Variants in HERC1 observed in about 807,000 individuals in gnomAD.
HERC1 encodes the protein probable E3 ubiquitin-protein ligase HERC1.
HERC1 carries 160 observed loss-of-function variants against 554.3 expected under a neutral mutation model. The observed-to-expected ratio is 0.29, with a 90% CI of 0.25 to 0.33. The LOEUF is 0.33. Among genes scored for constraint, HERC1 ranks in the 10% least tolerant of loss-of-function variants. The pLI, the probability that HERC1 is intolerant of heterozygous loss-of-function variation, is 1.00. For missense variants in HERC1, 4,919 were observed against 5,918.5 expected (o/e 0.83, Z 5.54); for synonymous variants, 2,175 against 2,131.7 (o/e 1.02, Z -0.56).
At chr15:63,628,931 A>C in intron 69 of HERC1, 116 bp from the exon 70 acceptor site, 1 of 921,024 alleles carries the variant, frequency 1.1e-6, no homozygotes, top group Non-Finnish European at 1.7e-6. Flanking sequence ...TGTACCATGC[A>C]TCAGCATCAA....
intron 1 of HERC1, among the ~76,000 whole-genome samples, chr15:63,831,781 A>G (rs8036500): frequency 0.51 from 78,092 of 151,970 alleles, 21,001 homozygotes; most frequent in African/African-American, 0.56. Context: ...TCACCAACAC[A>G]TTCTCCAAAA....
Position 63,775,778 on chromosome 15 carries a change from C to A in HERC1, c.-26-129G>T. The A allele has an allele frequency of 1.5e-6, 1 of 661,964 alleles. No homozygotes were observed. The allele number at this position is 661,964 out of a possible 1,614,324, so 41.0% of individuals were successfully genotyped here. On this transcript the variant is annotated intron_variant, in intron 1 of 77. Transcript: ENST00000443617. This position sits in a 1 kb window ranked among gnomAD's most constrained non-coding sequence, Gnocchi z 4.0. ...TGCAGCCGGGTGCGGTGGCTCACGC[C>A]TGTAATCCCAACACTTTGGGAGGCC...
intron 12 of HERC1, among the ~76,000 whole-genome samples, chr15:63,737,912 C>T (rs185397433): frequency 7.9e-5 from 12 of 152,160 alleles, no homozygotes; most frequent in African/African-American, 2.2e-4. Flanking sequence ...AAATGATTTC[C>T]AATTTAGAAT....
At position 63,698,834 on chromosome 15, in the gene HERC1, C is replaced by T; in HGVS notation, c.4799G>A (p.Ser1600Asn). ...TLIENVVSFV[S>N]GDVGNAPGFK... ...ACCTGGGGCATTCCCCACATCTCCA[C>T]TCACAAAGCTTACAACATTTTCAAT... The change falls in exon 26 of 78, where the codon AGT (serine) becomes AAT (asparagine). Residue 1600 changes from serine (S) to asparagine (N), a missense_variant. Physicochemically the swap from Ser to Asn is conservative, Grantham distance 46 (BLOSUM62 1). Around this residue, in one of 11 missense-constraint regions of HERC1, gnomAD observed 1,121 missense variants for 1,244.0 expected, o/e 0.90. Coordinates refer to ENST00000443617, the MANE Select transcript of HERC1 (RefSeq NM_003922.4). The T allele has an allele frequency of 6.2e-7, 1 of 1,613,952 alleles. No homozygotes were observed. The highest frequency in any genetic ancestry group is 8.5e-7 in the Non-Finnish European group (1 of 1,179,858).
chr15:63,670,183 G>A (rs1378590197), intron 39 of HERC1, among the ~76,000 whole-genome samples: 3 of 152,210 alleles, frequency 2.0e-5, no homozygotes, highest in African/African-American at 7.2e-5. Flanking sequence ...AAAGGTAACT[G>A]TCTAGTCACC....
chr15:63,690,310 T>G (rs1157049405), intron 32 of HERC1, among the ~76,000 whole-genome samples: 2 of 152,186 alleles, frequency 1.3e-5, no homozygotes, highest in African/African-American at 4.8e-5. Flanking sequence ...GATTTTTCTT[T>G]CCTTCTGACC....
intron 57 of HERC1, among the ~76,000 whole-genome samples, chr15:63,644,665 G>C (rs950509042): frequency 6.6e-5 from 10 of 152,140 alleles, no homozygotes; most frequent in Admixed American, 2.6e-4. Context: ...ATCAGTTGGA[G>C]ATTCTTTGGA....
intron 1 of HERC1, among the ~76,000 whole-genome samples, chr15:63,806,634 A>G (rs1373119958): frequency 3.9e-5 from 6 of 152,326 alleles, no homozygotes; most frequent in Middle Eastern, 6.8e-3. Flanking sequence ...AGAACATTGT[A>G]GAAGAGGAAT....
At chr15:63,648,507 T>C (rs1566971074) in intron 54 of HERC1, among the ~76,000 whole-genome samples, 1 of 152,244 alleles carries the variant, frequency 6.6e-6, no homozygotes, top group Non-Finnish European at 1.5e-5. Context: ...CCATAGGTTC[T>C]TTCCTTTTGG....
At chr15:63,794,913 A>T (rs1471480662) in intron 1 of HERC1, among the ~76,000 whole-genome samples, 1 of 152,008 alleles carries the variant, frequency 6.6e-6, no homozygotes, top group Non-Finnish European at 1.5e-5. Context: ...TAAAAATACA[A>T]AAATTAGCCA....
chr15:63,832,783 C>T (rs528323262), intron 1 of HERC1, among the ~76,000 whole-genome samples: 1 of 151,928 alleles, frequency 6.6e-6, no homozygotes, highest in South Asian at 2.1e-4. Flanking sequence ...TAAAATAAAT[C>T]ATTTTTGGAA....
intron 34 of HERC1, among the ~76,000 whole-genome samples, chr15:63,685,880 G>A (rs147329532): frequency 6.6e-6 from 1 of 152,276 alleles, no homozygotes; most frequent in Admixed American, 6.5e-5. Flanking sequence ...ATACAGGCTG[G>A]CTTATTGTAT....
chr15:63,744,119 T>C (rs1188520134), intron 12 of HERC1, among the ~76,000 whole-genome samples: 1 of 65,662 alleles, frequency 1.5e-5, no homozygotes, highest in Non-Finnish European at 3.8e-5. Flanking sequence ...ACTGTGTGTG[T>C]GTGTGTGTGT....
intron 12 of HERC1, among the ~76,000 whole-genome samples, chr15:63,739,606 A>G (rs1255573198): frequency 6.6e-6 from 1 of 151,824 alleles, no homozygotes; most frequent in Non-Finnish European, 1.5e-5. Flanking sequence ...TGGGAGGTCG[A>G]GGCAGGCAGA....
At chr15:63,766,502 C>T (rs1028958461) in intron 2 of HERC1, among the ~76,000 whole-genome samples, 6 of 152,096 alleles carry the variant, frequency 3.9e-5, no homozygotes, top group East Asian at 1.9e-4. Flanking sequence ...GCAGGAAAAT[C>T]GCTTGAACCC....
At chr15:63,831,635 C>A (rs1010940776) in intron 1 of HERC1, among the ~76,000 whole-genome samples, 4 of 152,020 alleles carry the variant, frequency 2.6e-5, no homozygotes, top group Non-Finnish European at 5.9e-5. Context: ...CTTCAATATA[C>A]CCAGCCCCCT....
intron 2 of HERC1, among the ~76,000 whole-genome samples, chr15:63,771,973 T>G (rs912895375): frequency 2.0e-5 from 3 of 151,978 alleles, no homozygotes; most frequent in Admixed American, 6.6e-5. Context: ...AGAAACAAAA[T>G]TAGCTGGGCA....
At position 63,655,965 on chromosome 15, in the gene HERC1, C is replaced by G; in HGVS notation, c.9871-10G>C. Reference sequence around the variant, plus strand: ...CAGCAGAAATCAAGTTCTGAAGAAGCAATTGGAAAAACAGACTTAATTTTT... The same window carrying G: ...CAGCAGAAATCAAGTTCTGAAGAAGGAATTGGAAAAACAGACTTAATTTTT... On this transcript the variant is annotated splice_polypyrimidine_tract_variant and intron_variant, in intron 49 of 77. Coordinates refer to ENST00000443617, the MANE Select transcript of HERC1 (RefSeq NM_003922.4). 3 of 1,605,472 alleles carry G rather than the reference C, an allele frequency of 1.9e-6. No homozygotes were observed. Among genetic ancestry groups the G allele is most frequent in the Non-Finnish European group, 2.6e-6 (3 of 1,174,644 alleles).
At chr15:63,833,668 C>T (rs865981677) in intron 1 of HERC1, among the ~76,000 whole-genome samples, 159 bp downstream of exon 1, 1 of 151,926 alleles carries the variant, frequency 6.6e-6, no homozygotes, top group African/African-American at 2.4e-5. Context: ...GCCGCCCACC[C>T]GGGACCCCAG....
Sources: gnomAD v4.1 joint callset for allele counts (sites outside exome capture counted in the v4.1 genomes callset) on GRCh38, gnomAD v4.1.1 for gene constraint, gnomAD v4.1.1 regional missense constraint, Gnocchi (gnomAD v3.1) non-coding constraint, MANE v1.5 for transcripts, NCBI Gene and HGNC (gene_info 2026-07-23, HGNC 2026-07-21) for gene names.